The following INPP5E variants were observed in gnomAD, a reference collection of about 807,000 sequenced individuals.
The protein encoded by INPP5E is inositol polyphosphate-5-phosphatase E, also known as phosphatidylinositol polyphosphate 5-phosphatase type IV.
A neutral mutation model predicts 50.5 loss-of-function variants in INPP5E; 34 were observed. That is an observed-to-expected ratio of 0.67 (90% CI 0.51 to 0.90). The LOEUF (loss-of-function observed/expected upper bound fraction) is 0.90, where lower values mean the gene tolerates loss of function less well. INPP5E is among the 40% of genes least tolerant of loss of function. INPP5E has a pLI of 0.00. For synonymous variants in INPP5E, 447 were observed against 406.0 expected (o/e 1.10, Z -1.21); for missense variants, 942 against 905.5 (o/e 1.04, Z -0.52).
chr9:136,434,350 G>A (rs1266049592), intron 2 of INPP5E, among the ~76,000 whole-genome samples: 1 of 152,180 alleles, frequency 6.6e-6, no homozygotes, highest in African/African-American at 2.4e-5. Flanking sequence ...CTCCAAGCAC[G>A]AGTCTGTCCA....
intron 1 of INPP5E, chr9:136,436,064 G>C (rs183016212): frequency 2.0e-5 from 3 of 152,252 alleles, no homozygotes; most frequent in African/African-American, 7.2e-5. Flanking sequence ...GGACACGAGA[G>C]CATAGTGCCG....
chr9:136,432,490 C>T lies in INPP5E; in HGVS notation c.1376G>A (p.Arg459His), dbSNP rs770146958. Residue 459 changes from arginine (R) to histidine (H), a missense_variant, in exon 6 of 10, where the codon CGC becomes CAC. Coordinates refer to ENST00000371712, the MANE Select transcript of INPP5E (RefSeq NM_019892.6). ...PRNVPDTNPY[R>H]SSAADVTTRF... ...GTGGACGCCCTCACCTGCGCTGGAG[C>T]GATAGGGGTTGGTGTCGGGCACATT... 111 of 1,549,064 alleles carry T rather than the reference C, an allele frequency of 7.2e-5. No individual in the cohort carries two copies. The highest frequency in any genetic ancestry group is 3.3e-4 in the Middle Eastern group (2 of 5,976).
In INPP5E at chr9:136,439,166, G is replaced by A; in HGVS notation, c.254C>T (p.Ser85Phe). The A allele has an allele frequency of 6.4e-7, 1 of 1,565,862 alleles. No individual in the cohort carries two copies. Among genetic ancestry groups the A allele is most frequent in the South Asian group, 1.2e-5 (1 of 86,380 alleles). The change falls in exon 1 of 10, where the codon TCC becomes TTC. Residue 85 changes from serine (S) to phenylalanine (F), a missense_variant. By Grantham distance (155) the Ser-to-Phe change is radical. Transcript: ENST00000371712. Reference protein sequence around the residue: ...PARPRLERALSLDDKGWRRRR... With the variant: ...PARPRLERALFLDDKGWRRRR... ...CCTCCTCCAGCCCTTGTCGTCCAGG[G>A]ACAGGGCTCGCTCCAGTCGAGGCCT...
Position 136,431,102 on chromosome 9 carries a change from C to G in INPP5E, c.1565G>C (p.Gly522Ala), listed in dbSNP as rs771866500. Residue 522 changes from glycine (G) to alanine (A), a missense_variant, in exon 8 of 10, where the codon GGC (glycine) becomes GCC (alanine). Coordinates refer to ENST00000371712, the MANE Select transcript of INPP5E (RefSeq NM_019892.6). ...GAAGTGGATGTCCGGCTCCTGGAAGCCCTTGAAGATGGACCCTGCCACAGG... is the reference window on the plus strand; with the variant it reads ...GAAGTGGATGTCCGGCTCCTGGAAGGCCTTGAAGATGGACCCTGCCACAGG... The part of the protein sequence containing the change: ...REMRKGSIFK[G>A]FQEPDIHFLP... 11 of 1,612,550 alleles carry G rather than the reference C, an allele frequency of 6.8e-6. No homozygotes were observed. The Admixed American group carries it at 1.8e-4, about 27-fold the overall frequency.
Position 136,439,641 on chromosome 9 carries a change from T to G in INPP5E, c.-222A>C. On this transcript the variant is annotated 5_prime_UTR_variant, in exon 1 of 10. Transcript: ENST00000371712. ...CTCCCAGACGCCGTTCCCAGGGCGGTCCGCAGGCAAGGCCTGGGGGAACAG... is the reference window on the plus strand; with the variant it reads ...CTCCCAGACGCCGTTCCCAGGGCGGGCCGCAGGCAAGGCCTGGGGGAACAG... The G allele has an allele frequency of 2.9e-6, 1 of 349,344 alleles. No homozygotes were observed. The allele number at this position is 349,344 out of a possible 1,614,324, so 21.6% of individuals were successfully genotyped here.
At position 136,432,514 on chromosome 9, in the gene INPP5E, T is replaced by A; in HGVS notation, c.1352A>T (p.Asn451Ile). The part of the protein sequence containing the change: ...RTVQALVLPR[N>I]VPDTNPYRSS... ...GCGATAGGGGTTGGTGTCGGGCACA[T>A]TTCTGGGCAGGACCAGGGCTTGTAC... The change falls in exon 6 of 10, where the codon AAT becomes ATT. Residue 451 changes from asparagine (N) to isoleucine (I), a missense_variant. Transcript: ENST00000371712. The A allele has an allele frequency of 6.4e-7, 1 of 1,551,594 alleles. No individual in the cohort carries two copies. The highest frequency in any genetic ancestry group is 1.4e-5 in the African/African-American group (1 of 73,292).
In INPP5E at chr9:136,439,016, GTGC is replaced by G. The variant is rs2131618973; in HGVS notation, c.401_403del (p.Ser134del). 1 of 1,587,326 alleles carries G rather than the reference GTGC, an allele frequency of 6.3e-7. No homozygotes were observed. The highest frequency in any genetic ancestry group is 1.1e-5 in the South Asian group (1 of 87,476). ...GGACTTGGGGATTTCCTGCAAGGAG[GTGC>G]TCAGGCAGGGCGGGGAGCAGCTGTG... is the stretch of plus-strand genomic sequence containing the variant. On this transcript the variant is annotated inframe_deletion, in exon 1 of 10. Transcript: ENST00000371712.
At position 136,429,008 on chromosome 9, in the gene INPP5E, GGAA is replaced by G. The variant is rs1369403110; in HGVS notation, c.*664_*666del. The G allele has an allele frequency of 6.3e-6, 1 of 158,962 alleles. No individual in the cohort carries two copies. Among genetic ancestry groups the G allele is most frequent in the African/African-American group, 2.4e-5 (1 of 41,516 alleles). 9.8% of individuals were successfully genotyped at this position (158,962 alleles called of 1,614,324 possible). On this transcript the variant is annotated 3_prime_UTR_variant, in exon 10 of 10. Transcript: ENST00000371712. ...AATAGGCTTGGCCTATGAGAGGAGGGGAAGCAGCTTCTTACTCAGCTGGGGAGG... is the reference window on the plus strand; with the variant it reads ...AATAGGCTTGGCCTATGAGAGGAGGGGCAGCTTCTTACTCAGCTGGGGAGG...
In INPP5E at chr9:136,434,864, C is replaced by A; in HGVS notation, c.813-1G>T. 1 of 1,605,186 alleles carries A rather than the reference C, an allele frequency of 6.2e-7. No homozygotes were observed. The highest frequency in any genetic ancestry group is 1.1e-5 in the South Asian group (1 of 89,586). Reference sequence around the variant, plus strand: ...CAGGAGGCTGCCCTCCAGGTAACTCCTGTGACGGGAGGACCCCAAGCTCAG... The same window carrying A: ...CAGGAGGCTGCCCTCCAGGTAACTCATGTGACGGGAGGACCCCAAGCTCAG... On this transcript the variant is annotated splice_acceptor_variant, in intron 1 of 9. Coordinates refer to ENST00000371712, the MANE Select transcript of INPP5E (RefSeq NM_019892.6). LOFTEE classifies it high-confidence loss of function.
In INPP5E at chr9:136,429,784, A is replaced by C. The variant is rs777549235; in HGVS notation, c.1826T>G (p.Phe609Cys). Residue 609 changes from phenylalanine to cysteine, a missense_variant, in exon 10 of 10, where the codon TTT becomes TGT. Phe to Cys is a radical substitution (Grantham distance 205). Transcript: ENST00000371712. ...RDNIPLAAGK[F>C]DRELYLLGIK... is the part of the protein sequence containing the mutation. Reference sequence around the variant, plus strand: ...TCCTAGTAAGTACAGTTCTCTATCAAATTTGCCAGCTGCCAACGGAATGCT... The same window carrying C: ...TCCTAGTAAGTACAGTTCTCTATCACATTTGCCAGCTGCCAACGGAATGCT... 1 of 1,612,638 alleles carries C rather than the reference A, an allele frequency of 6.2e-7. No homozygotes were observed.
Position 136,438,947 on chromosome 9 carries a change from C to T in INPP5E, c.473G>A (p.Gly158Asp), listed in dbSNP as rs1455781081. The stretch of plus-strand genomic sequence containing the variant: ...GCTGGCCACCCCAGAGAGAGGGTTA[C>T]CCCCCGAGGACGGGCTCCCTCTCTC... ...SSERGSPSSG[G>D]NPLSGVASSS... Residue 158 changes from glycine to aspartate, a missense_variant, in exon 1 of 10, where the codon GGT becomes GAT. Physicochemically the swap from Gly to Asp is moderately conservative, Grantham distance 94. Transcript: ENST00000371712. 9 of 1,568,834 alleles carry T rather than the reference C, an allele frequency of 5.7e-6. No individual in the cohort carries two copies. The highest frequency in any genetic ancestry group is 1.9e-5 in the Admixed American group (1 of 52,468).
rs901555461 is a variant in INPP5E, at chr9:136,439,488, T to C, written c.-69A>G. The C allele has an allele frequency of 1.7e-6, 2 of 1,200,744 alleles. No individual in the cohort carries two copies. Among genetic ancestry groups the C allele is most frequent in the African/African-American group, 3.2e-5 (2 of 62,010 alleles). 74.4% of individuals were successfully genotyped at this position (1,200,744 alleles called of 1,614,324 possible). A position where few individuals can be genotyped will look rare whatever the true frequency, so the allele number is the denominator to read the frequency against. On this transcript the variant is annotated 5_prime_UTR_variant, in exon 1 of 10. Coordinates refer to ENST00000371712, the MANE Select transcript of INPP5E (RefSeq NM_019892.6). ...AGCGCGAGGGGTCACGGGTGCCGGG[T>C]CCGGGGTCGCCGGCGCAGCGAGGAG...
Position 136,438,604 on chromosome 9 carries a change from C to T in INPP5E, c.812+4G>A. 1 of 1,551,762 alleles carries T rather than the reference C, an allele frequency of 6.4e-7. No individual in the cohort carries two copies. Among genetic ancestry groups the T allele is most frequent in the South Asian group, 1.2e-5 (1 of 84,454 alleles). ...GGGCGCTGCACCCGCCAGGCCCTCC[C>T]TACCTGCTGCGGACGTCCTTGCTGC... On this transcript the variant is annotated splice_donor_region_variant and intron_variant, in intron 1 of 9. Coordinates refer to ENST00000371712, the MANE Select transcript of INPP5E (RefSeq NM_019892.6).
chr9:136,432,383 C>T lies in INPP5E; in HGVS notation c.1387+96G>A, dbSNP rs1266649677. On this transcript the variant is annotated intron_variant, in intron 6 of 9. Coordinates refer to ENST00000371712, the MANE Select transcript of INPP5E (RefSeq NM_019892.6). The stretch of plus-strand genomic sequence containing the variant: ...ACGTTTCGGCCCTCGCTTCCCAAAG[C>T]TCAGGACGCTGCCTCTTCAGAACTG... The T allele has an allele frequency of 3.6e-6, 3 of 825,238 alleles. No individual in the cohort carries two copies. The African/African-American group carries it at 5.1e-5, about 14-fold the overall frequency. 51.1% of individuals were successfully genotyped at this position (825,238 alleles called of 1,614,324 possible).
At position 136,432,514 on chromosome 9, in the gene INPP5E, T is replaced by C. The variant is rs368627245; in HGVS notation, c.1352A>G (p.Asn451Ser). The change falls in exon 6 of 10, where the codon AAT becomes AGT. Residue 451 changes from asparagine to serine, a missense_variant. Asn to Ser is a conservative substitution (Grantham distance 46). Coordinates refer to ENST00000371712, the MANE Select transcript of INPP5E (RefSeq NM_019892.6). ...RTVQALVLPR[N>S]VPDTNPYRSS... is the part of the protein sequence containing the mutation. ...GCGATAGGGGTTGGTGTCGGGCACATTTCTGGGCAGGACCAGGGCTTGTAC... is the reference window on the plus strand; with the variant it reads ...GCGATAGGGGTTGGTGTCGGGCACACTTCTGGGCAGGACCAGGGCTTGTAC... 1.9e-6 allele frequency: 3 copies of C among 1,551,476 alleles called. No homozygotes were observed. The highest frequency in any genetic ancestry group is 2.6e-6 in the Non-Finnish European group (3 of 1,147,314).
In INPP5E at chr9:136,434,616, G is replaced by T; in HGVS notation, c.936+124C>A. On this transcript the variant is annotated intron_variant, in intron 2 of 9. Transcript: ENST00000371712. Reference sequence around the variant, plus strand: ...CTCCTGTACTGCGGTTAGCAGTGGGGTGCACCTCGGGGCTCTGCCCTCCTG... The same window carrying T: ...CTCCTGTACTGCGGTTAGCAGTGGGTTGCACCTCGGGGCTCTGCCCTCCTG... 3.7e-6 allele frequency: 5 copies of T among 1,339,178 alleles called. No homozygotes were observed. The South Asian group carries it at 5.3e-5, about 14-fold the overall frequency. The allele number at this position is 1,339,178 out of a possible 1,614,324, so 83.0% of individuals were successfully genotyped here. A position where few individuals can be genotyped will look rare whatever the true frequency, so the allele number is the denominator to read the frequency against.
At chr9:136,432,872 G>T in intron 5 of INPP5E, 84 bp downstream of exon 5, 2 of 1,527,394 alleles carry the variant, frequency 1.3e-6, no homozygotes, top group Non-Finnish European at 1.8e-6. Flanking sequence ...CCAGCGGTCA[G>T]GACCCCTGCC....
Position 136,438,751 on chromosome 9 carries a change from C to T in INPP5E, c.669G>A (p.Ala223=). ...DSDLADYKLR[A]QPLLVRAHSS... is the part of the protein sequence containing the mutation. ...TGTGGGCCCGCACCAGGAGCGGCTG[C>T]GCGCGGAGCTTGTAGTCTGCAAGAT... Residue 223 remains alanine (A), a synonymous_variant, in exon 1 of 10, where the codon GCG becomes GCA. Coordinates refer to ENST00000371712, the MANE Select transcript of INPP5E (RefSeq NM_019892.6). The T allele has an allele frequency of 6.2e-7, 1 of 1,611,404 alleles. No homozygotes were observed. The highest frequency in any genetic ancestry group is 8.5e-7 in the Non-Finnish European group (1 of 1,179,434).
At position 136,438,882 on chromosome 9, in the gene INPP5E, C is replaced by A. The variant is rs1835909645; in HGVS notation, c.538G>T (p.Gly180Trp). The A allele has an allele frequency of 1.3e-6, 2 of 1,587,566 alleles. No individual in the cohort carries two copies. Among genetic ancestry groups the A allele is most frequent in the African/African-American group, 2.7e-5 (2 of 74,408 alleles). ...AGGCTGGGCAGCCTGGGCGAGCTCC[C>A]CGCCACGGCGGCGTCTCTGTGCGGG... ...NLPHRDAAVAGSSPRLPSLLP... is the reference protein window; with the variant it reads ...NLPHRDAAVAWSSPRLPSLLP... Residue 180 changes from glycine to tryptophan, a missense_variant, in exon 1 of 10, where the codon GGG becomes TGG. Transcript: ENST00000371712.
Sources: gnomAD v4.1 joint callset for allele counts (sites outside exome capture counted in the v4.1 genomes callset) on GRCh38, gnomAD v4.1.1 for gene constraint, MANE v1.5 for transcripts, NCBI Gene and HGNC (gene_info 2026-07-23, HGNC 2026-07-21) for gene names.